The following EPB41 variants were observed in gnomAD, a reference collection of about 807,000 sequenced individuals.
The protein encoded by EPB41 is erythrocyte membrane protein band 4.1, also known as protein 4.1.
Under a neutral mutation model 108.0 loss-of-function variants are expected in EPB41, and 65 were observed. The ratio of observed to expected loss-of-function variants is 0.60; its 90% CI spans 0.49 to 0.74. The LOEUF (loss-of-function observed/expected upper bound fraction) is 0.74, where lower values mean the gene tolerates loss of function less well. Ranked by LOEUF, EPB41 falls within the 30% of genes least tolerant of loss-of-function variation. The pLI, the probability that EPB41 is intolerant of heterozygous loss-of-function variation, is 0.00. For missense variants in EPB41, 875 were observed against 1,037.0 expected (o/e 0.84, Z 2.15); for synonymous variants, 336 against 358.9 (o/e 0.94, Z 0.72).
In EPB41 at chr1:29,110,785, C is replaced by G. The variant is rs546514090; in HGVS notation, c.2415+1348C>G. ...CACCCTCAGGAGATTATGTGAGGAC[C>G]TTTTGACATCAATAATATGAAAATG... is the stretch of plus-strand genomic sequence containing the variant. On this transcript the variant is annotated intron_variant, in intron 18 of 20. Transcript: ENST00000343067. Among the ~76,000 whole-genome samples, 14 of 152,280 alleles carry G rather than the reference C, an allele frequency of 9.2e-5. No individual in the cohort carries two copies. In the East Asian group the frequency reaches 2.7e-3, roughly 29 times the overall value.
At chr1:28,913,127 G>T (rs762970709), upstream of EPB41, among the ~76,000 whole-genome samples, 1 of 151,974 alleles carries the variant, frequency 6.6e-6, no homozygotes, top group Non-Finnish European at 1.5e-5. Context: ...CAGCTACTTG[G>T]ACATATTATC....
chr1:28,959,494 G>A (rs1256184495), intron 1 of EPB41, among the ~76,000 whole-genome samples: 1 of 152,050 alleles, frequency 6.6e-6, no homozygotes, highest in East Asian at 1.9e-4. Flanking sequence ...TGGGATTACA[G>A]GCATGAGTCA....
At chr1:28,894,992 G>A (rs1231819044) in intron 1 of EPB41, among the ~76,000 whole-genome samples, 6 of 152,174 alleles carry the variant, frequency 3.9e-5, no homozygotes, top group African/African-American at 1.4e-4. Context: ...TCTGCCTGGT[G>A]TGGGAGGAGC....
rs144723374 is a variant in EPB41 at position 28,973,901 on chromosome 1, A to C, written c.-7-13530A>C. Among the ~76,000 whole-genome samples, 1,020 of 152,208 alleles carry C rather than the reference A, an allele frequency of 6.7e-3. 14 individuals are homozygous for C. Among genetic ancestry groups the C allele is most frequent in the Non-Finnish European group, 6.3e-3 (431 of 68,002 alleles). The stretch of plus-strand genomic sequence containing the variant: ...TAATTATTAGCAATTTCTTCCTTTT[A>C]CTTTATTTAGATGAAAACTATGTCT... On this transcript the variant is annotated intron_variant, in intron 1 of 20. Transcript: ENST00000343067.
intron 1 of EPB41, among the ~76,000 whole-genome samples, chr1:28,921,422 T>G (rs2093058729): frequency 6.6e-6 from 1 of 152,054 alleles, no homozygotes; most frequent in Non-Finnish European, 1.5e-5. Flanking sequence ...CCATTCCCCC[T>G]TCCCTCCCCA....
chr1:28,971,900 T>C (rs1176793315), intron 1 of EPB41, among the ~76,000 whole-genome samples: 1 of 152,060 alleles, frequency 6.6e-6, no homozygotes, highest in African/African-American at 2.4e-5. Flanking sequence ...TAATACACTT[T>C]GACACTTTTT....
In EPB41 at chr1:28,992,756, A is replaced by G. The variant is rs141285647; in HGVS notation, c.469-574A>G. 3.6e-3 allele frequency among the ~76,000 whole-genome samples: 554 copies of G among 152,296 alleles called. 6 individuals carry two copies. Among genetic ancestry groups the G allele is most frequent in the African/African-American group, 0.013 (530 of 41,568 alleles). On this transcript the variant is annotated intron_variant, in intron 2 of 20. Coordinates refer to ENST00000343067, the MANE Select transcript of EPB41 (RefSeq NM_001376013.1). ...TTATTTGGGGATAATTTAAGATTGCACCAGGAAACTCTTCCTTCATTGACT... is the reference window on the plus strand; with the variant it reads ...TTATTTGGGGATAATTTAAGATTGCGCCAGGAAACTCTTCCTTCATTGACT...
At chr1:29,015,866 G>A in intron 6 of EPB41, 99 bp downstream of exon 6, 1 of 810,468 alleles carries the variant, frequency 1.2e-6, no homozygotes, top group Non-Finnish European at 2.0e-6. Context: ...TCCGTATTCA[G>A]AACTGAAGAA....
At chr1:28,940,108 G>C (rs562673376) in intron 1 of EPB41, among the ~76,000 whole-genome samples, 4 of 152,274 alleles carry the variant, frequency 2.6e-5, no homozygotes, top group African/African-American at 9.6e-5. Context: ...TGTAACACTT[G>C]ATAGGAGGAG....
intron 1 of EPB41, among the ~76,000 whole-genome samples, chr1:28,919,952 G>T (rs748176358): frequency 2.6e-5 from 4 of 151,982 alleles, no homozygotes; most frequent in African/African-American, 9.7e-5. Flanking sequence ...TCCCTCTTCC[G>T]TAGCTGATGA....
intron 16 of EPB41, among the ~76,000 whole-genome samples, chr1:29,075,156 C>A (rs1325787077): frequency 6.7e-3 from 652 of 97,430 alleles, no homozygotes; most frequent in Admixed American, 8.1e-3. Flanking sequence ...GACTCCGTCT[C>A]AAAAAAAAAA....
chr1:28,991,920 A>G (rs961819697), intron 2 of EPB41, among the ~76,000 whole-genome samples: 1 of 152,162 alleles, frequency 6.6e-6, no homozygotes, highest in Non-Finnish European at 1.5e-5. Flanking sequence ...TAGTTCACAT[A>G]AGTAATTTTC....
chr1:28,947,436 A>G (rs1015451479), intron 1 of EPB41, among the ~76,000 whole-genome samples: 1 of 150,634 alleles, frequency 6.6e-6, no homozygotes, highest in African/African-American at 2.5e-5. Flanking sequence ...CAAACAAACA[A>G]ACAAACAAAC....
At chr1:29,051,928 A>T (rs186838298) in intron 11 of EPB41, among the ~76,000 whole-genome samples, 2 of 152,032 alleles carry the variant, frequency 1.3e-5, no homozygotes, top group East Asian at 1.9e-4. Flanking sequence ...AGTACAAAAG[A>T]GGATAACAAT....
At chr1:29,045,948 C>T (rs1027189964) in intron 11 of EPB41, among the ~76,000 whole-genome samples, 6 of 151,470 alleles carry the variant, frequency 4.0e-5, no homozygotes, top group African/African-American at 1.5e-4. Flanking sequence ...TGCACTGCAG[C>T]CTGGGCAACA....
At chr1:29,084,725 G>A (rs890834352) in intron 16 of EPB41, among the ~76,000 whole-genome samples, 5 of 152,182 alleles carry the variant, frequency 3.3e-5, no homozygotes, top group Admixed American at 3.3e-4. Context: ...CAGACAGTAT[G>A]TATCCCAAAA....
chr1:28,976,864 A>G (rs2095619479), intron 1 of EPB41, among the ~76,000 whole-genome samples: 1 of 151,960 alleles, frequency 6.6e-6, no homozygotes, highest in Non-Finnish European at 1.5e-5. Flanking sequence ...TTATTTATTT[A>G]TTTTTTGAGA....
At chr1:29,020,550 C>T (rs529940640) in intron 7 of EPB41, among the ~76,000 whole-genome samples, 1 of 151,958 alleles carries the variant, frequency 6.6e-6, no homozygotes, top group East Asian at 1.9e-4. Context: ...TATAATATAA[C>T]CCTTGGGCAA....
chr1:28,990,149 G>A (rs2095974795), intron 2 of EPB41, among the ~76,000 whole-genome samples: 1 of 150,632 alleles, frequency 6.6e-6, no homozygotes, highest in Non-Finnish European at 1.5e-5. Flanking sequence ...CCAGCTACTC[G>A]GAAGGCGAGG....
Sources: allele counts gnomAD v4.1 joint callset (sites outside exome capture counted in the v4.1 genomes callset), GRCh38; gene constraint gnomAD v4.1.1; transcripts MANE v1.5; gene names NCBI Gene and HGNC (gene_info 2026-07-23, HGNC 2026-07-21).